Variants in LHFPL6 observed in about 807,000 individuals in gnomAD.
LHFPL6 encodes LHFPL tetraspan subfamily member 6 protein.
LHFPL6 carries 9 observed loss-of-function variants against 20.6 expected under a neutral mutation model. That is an observed-to-expected ratio of 0.44 (90% CI 0.26 to 0.76). LHFPL6 has a LOEUF of 0.76. Ranked by LOEUF, LHFPL6 falls within the 30% of genes least tolerant of loss-of-function variation. The probability of loss-of-function intolerance (pLI) is 0.20; values close to 1 mark genes in which losing one functional copy is unlikely to be tolerated. For missense variants in LHFPL6, 218 were observed against 253.5 expected (o/e 0.86, Z 0.95); for synonymous variants, 105 against 98.7 (o/e 1.06, Z -0.38).
At position 39,542,741 on chromosome 13, in the gene LHFPL6, C is replaced by T. The variant is rs1004252299; in HGVS notation, c.385+58091G>A. Among the ~76,000 whole-genome samples, 3 of 152,338 alleles carry T rather than the reference C, an allele frequency of 2.0e-5. No homozygotes were observed. In the East Asian group the frequency reaches 5.8e-4, roughly 29 times the overall value. ...TTCTCTTCAGTTCCTTGTCCTCTGGCACTTGGTTCAATTCAGAGTTCAACA... is the reference window on the plus strand; with the variant it reads ...TTCTCTTCAGTTCCTTGTCCTCTGGTACTTGGTTCAATTCAGAGTTCAACA... On this transcript the variant is annotated intron_variant, in intron 2 of 3. Coordinates refer to ENST00000379589, the MANE Select transcript of LHFPL6 (RefSeq NM_005780.3).
At chr13:39,496,422 G>A (rs1418644364) in intron 2 of LHFPL6, among the ~76,000 whole-genome samples, 2 of 152,184 alleles carry the variant, frequency 1.3e-5, no homozygotes. Context: ...TATGAATGGA[G>A]AGGGGCACAA....
chr13:39,534,244 G>A (rs1870551525), intron 2 of LHFPL6, among the ~76,000 whole-genome samples: 1 of 152,102 alleles, frequency 6.6e-6, no homozygotes, highest in African/African-American at 2.4e-5. Flanking sequence ...TGTTCCAATA[G>A]CAAACATTTC....
At chr13:39,519,847 G>A (rs1870050377) in intron 2 of LHFPL6, among the ~76,000 whole-genome samples, 1 of 151,886 alleles carries the variant, frequency 6.6e-6, no homozygotes, top group Non-Finnish European at 1.5e-5. Context: ...ACCAAGGGGG[G>A]AAAAAAATAA....
chr13:39,379,410 C>T (rs751700541), intron 2 of LHFPL6, among the ~76,000 whole-genome samples: 11 of 152,146 alleles, frequency 7.2e-5, no homozygotes, highest in African/African-American at 2.7e-4. Flanking sequence ...GTGCTGAACC[C>T]ATAGGACCAA....
intron 2 of LHFPL6, among the ~76,000 whole-genome samples, chr13:39,496,544 C>G (rs1344983802): frequency 6.6e-6 from 1 of 152,170 alleles, no homozygotes; most frequent in Non-Finnish European, 1.5e-5. Context: ...AAAATGCAGG[C>G]ATGCAATGAC....
chr13:39,427,215 G>A (rs903302351), intron 2 of LHFPL6, among the ~76,000 whole-genome samples: 2 of 152,122 alleles, frequency 1.3e-5, no homozygotes, highest in African/African-American at 4.8e-5. Flanking sequence ...CTATACGGAC[G>A]AACATGGCAT....
chr13:39,438,493 C>T (rs144750471), intron 2 of LHFPL6, among the ~76,000 whole-genome samples: 1 of 152,348 alleles, frequency 6.6e-6, no homozygotes, highest in East Asian at 1.9e-4. Flanking sequence ...TTCAACCAGG[C>T]TGTAGAAATT....
intron 3 of LHFPL6, among the ~76,000 whole-genome samples, chr13:39,362,232 G>T (rs1322386031): frequency 6.6e-6 from 1 of 152,206 alleles, no homozygotes; most frequent in Non-Finnish European, 1.5e-5. Context: ...GATAGTGAGT[G>T]AGTTGTCACG....
At chr13:39,375,502 C>A (rs988217504) in intron 3 of LHFPL6, among the ~76,000 whole-genome samples, 1 of 151,978 alleles carries the variant, frequency 6.6e-6, no homozygotes, top group Admixed American at 6.6e-5. Flanking sequence ...ACTAGCCTGG[C>A]CAACACGGCG....
chr13:39,423,868 C>T (rs1593307698), intron 2 of LHFPL6, among the ~76,000 whole-genome samples: 1 of 152,222 alleles, frequency 6.6e-6, no homozygotes, highest in South Asian at 2.1e-4. Flanking sequence ...AGTACTGTGA[C>T]ATGCTTATAT....
chr13:39,438,925 C>A (rs1344718915), intron 2 of LHFPL6, among the ~76,000 whole-genome samples: 1 of 152,156 alleles, frequency 6.6e-6, no homozygotes, highest in Non-Finnish European at 1.5e-5. Flanking sequence ...TCATGGAGAA[C>A]CTCTACTAGG....
At chr13:39,590,922 C>A (rs1072605) in intron 2 of LHFPL6, among the ~76,000 whole-genome samples, 110,578 of 152,098 alleles carry the variant, frequency 0.73, 41,747 homozygotes, top group East Asian at 0.86. Flanking sequence ...TATCTGGCTA[C>A]GGCTGTGTTT....
chr13:39,519,391 T>C (rs774471701), intron 2 of LHFPL6, among the ~76,000 whole-genome samples: 5 of 152,230 alleles, frequency 3.3e-5, no homozygotes, highest in African/African-American at 4.8e-5. Flanking sequence ...AGGCAGCTCA[T>C]AGGGACATCT....
At chr13:39,352,972 C>CATATATATAT (rs374747296) in intron 3 of LHFPL6, among the ~76,000 whole-genome samples, 4 of 69,132 alleles carry the variant, frequency 5.8e-5, no homozygotes, top group Admixed American at 2.1e-4. Flanking sequence ...CACACACACA[C>CATATATATAT]ATATATATAT....
chr13:39,576,785 C>T (rs924269150), intron 2 of LHFPL6, among the ~76,000 whole-genome samples: 1 of 149,210 alleles, frequency 6.7e-6, no homozygotes, highest in Non-Finnish European at 1.5e-5. Context: ...AGGCATGCAC[C>T]ATCATGCCCA....
chr13:39,534,577 C>T (rs1339250389), intron 2 of LHFPL6, among the ~76,000 whole-genome samples: 1 of 152,136 alleles, frequency 6.6e-6, no homozygotes, highest in Non-Finnish European at 1.5e-5. Context: ...GTAAATAGCA[C>T]ATTGCTACTT....
rs572463474 is a variant in LHFPL6 at position 39,428,717 on chromosome 13, T to C, written c.386-50191A>G. ...TATTTCATTGATTTCTATTGTGACA[T>C]TTATTTCCTTTACTTTGAATTTCTC... On this transcript the variant is annotated intron_variant, in intron 2 of 3. Coordinates refer to ENST00000379589, the MANE Select transcript of LHFPL6 (RefSeq NM_005780.3). 1.2e-4 allele frequency among the ~76,000 whole-genome samples: 19 copies of C among 152,286 alleles called. No homozygotes were observed. In the South Asian group the frequency reaches 3.7e-3, roughly 30 times the overall value.
At chr13:39,379,412 T>A (rs191899806) in intron 2 of LHFPL6, among the ~76,000 whole-genome samples, 1 of 152,132 alleles carries the variant, frequency 6.6e-6, no homozygotes, top group Non-Finnish European at 1.5e-5. Context: ...GCTGAACCCA[T>A]AGGACCAACA....
At chr13:39,390,984 G>A (rs1205862716) in intron 2 of LHFPL6, among the ~76,000 whole-genome samples, 1 of 152,172 alleles carries the variant, frequency 6.6e-6, no homozygotes, top group African/African-American at 2.4e-5. Context: ...GAGACAGAGC[G>A]AGACTCTGTC....
Sources: allele counts gnomAD v4.1 joint callset (sites outside exome capture counted in the v4.1 genomes callset), GRCh38; gene constraint gnomAD v4.1.1; transcripts MANE v1.5; gene names NCBI Gene and HGNC (gene_info 2026-07-23, HGNC 2026-07-21).